NOX3: variants seen among roughly 807,000 people sequenced by gnomAD.
The protein encoded by NOX3 is NADPH oxidase catalytic subunit-like 3.
In NOX3, 74 loss-of-function variants were observed where a neutral mutation model predicts 76.7. The ratio of observed to expected loss-of-function variants is 0.96; its 90% CI spans 0.80 to 1.17. The LOEUF (loss-of-function observed/expected upper bound fraction) is 1.17. NOX3 is among the 50% of genes most tolerant of loss of function. NOX3 has a pLI of 0.00. For synonymous variants in NOX3, 263 were observed against 261.1 expected, an observed-to-expected ratio of 1.01 and a Z score of -0.07; for missense variants, 695 against 703.3, an observed-to-expected ratio of 0.99 and a Z score of 0.13.
At chr6:155,399,743 C>G (rs370799734) in intron 12 of NOX3, among the ~76,000 whole-genome samples, 1,462 of 141,980 alleles carry the variant, frequency 0.01, 25 homozygotes, top group African/African-American at 0.037. Context: ...TTTTTTTTTT[C>G]TTTTATGAGG....
chr6:155,422,615 C>G, intron 10 of NOX3, 79 bp downstream of exon 10: 1 of 1,377,270 alleles, frequency 7.3e-7, no homozygotes, highest in Non-Finnish European at 1.0e-6. Context: ...AAAATCCTCC[C>G]CAAGAATCGG....
chr6:155,420,959 A>T (rs544318608), intron 10 of NOX3, among the ~76,000 whole-genome samples: 1 of 152,280 alleles, frequency 6.6e-6, no homozygotes, highest in African/African-American at 2.4e-5. Flanking sequence ...TCCCTGTTGG[A>T]TATGGATTCT....
chr6:155,437,629 A>G (rs745506434), intron 6 of NOX3, among the ~76,000 whole-genome samples: 2 of 152,252 alleles, frequency 1.3e-5, no homozygotes, highest in African/African-American at 2.4e-5. Flanking sequence ...ATGCCCAGAC[A>G]TAGGCAGGGT....
intron 7 of NOX3, among the ~76,000 whole-genome samples, chr6:155,433,373 C>A (rs996344589): frequency 2.0e-5 from 3 of 152,128 alleles, no homozygotes; most frequent in Non-Finnish European, 2.9e-5. Flanking sequence ...AAGAGAGAAT[C>A]AAGACAAGGA....
intron 10 of NOX3, among the ~76,000 whole-genome samples, chr6:155,418,297 G>C (rs1380904212): frequency 6.6e-6 from 1 of 151,992 alleles, no homozygotes; most frequent in Non-Finnish European, 1.5e-5. Context: ...AGGAGGTGGA[G>C]GACTTTATTG....
rs568319693 is a variant in NOX3 at position 155,441,933 on chromosome 6, A to G, written c.486+1340T>C. On this transcript the variant is annotated intron_variant, in intron 5 of 13. Coordinates refer to ENST00000159060, the MANE Select transcript of NOX3 (RefSeq NM_015718.3). ...AGGGCAGCTGTAGTTCTGATTCGGA[A>G]GTGTGAAATTTTTGCTTCCAATAGC... is the stretch of plus-strand genomic sequence containing the variant. Among the ~76,000 whole-genome samples, 39 of 152,264 alleles carry G rather than the reference A, an allele frequency of 2.6e-4. No individual in the cohort carries two copies. In the East Asian group the frequency reaches 7.4e-3, roughly 29 times the overall value.
intron 4 of NOX3, among the ~76,000 whole-genome samples, chr6:155,446,593 T>G (rs185223564): frequency 4.6e-4 from 70 of 152,352 alleles, no homozygotes; most frequent in Admixed American, 4.1e-3. Flanking sequence ...CCCCATCTTT[T>G]GACCATCAAG....
In NOX3 at chr6:155,426,101, C is replaced by T. The variant is rs530963871; in HGVS notation, c.1145+2693G>A. ...AAAATCATCCAAGGAAGTCCAATAA[C>T]ATCCTGATTCTTTGTATGTTGAAGA... On this transcript the variant is annotated intron_variant, in intron 9 of 13. Transcript: ENST00000159060. 2.0e-5 allele frequency among the ~76,000 whole-genome samples: 3 copies of T among 152,326 alleles called. No individual in the cohort carries two copies. The East Asian group carries it at 5.8e-4, about 29-fold the overall frequency.
intron 7 of NOX3, among the ~76,000 whole-genome samples, chr6:155,431,396 GC>G (rs1562466757): frequency 8.2e-6 from 1 of 122,108 alleles, no homozygotes; most frequent in Non-Finnish European, 1.7e-5. Context: ...TACAGGGTCT[GC>G]CTGAATAAAC....
rs1229392679 is a variant in NOX3 at position 155,430,852 on chromosome 6, G to A, written c.882C>T (p.Val294=). The A allele has an allele frequency of 6.2e-7, 1 of 1,610,030 alleles. No homozygotes were observed. The highest frequency in any genetic ancestry group is 1.7e-5 in the Admixed American group (1 of 59,988). The change falls in exon 8 of 14, where the codon GTC becomes GTT. Residue 294 remains valine, a synonymous_variant. Coordinates refer to ENST00000159060, the MANE Select transcript of NOX3 (RefSeq NM_015718.3). ...AAAGCTACATGCATACCTTGGTAAT[G>A]ACAACTTCTTGTTGAAATCGCCAGA... ...IRFWRFQQEV[V]ITKVVSHPSG...
At chr6:155,426,936 C>A (rs1482939356) in intron 9 of NOX3, among the ~76,000 whole-genome samples, 1 of 137,152 alleles carries the variant, frequency 7.3e-6, no homozygotes, top group African/African-American at 2.8e-5. Context: ...TTTGCCTTGG[C>A]GATGCCAAGG....
intron 9 of NOX3, 91 bp downstream of exon 9, chr6:155,428,703 G>A: frequency 8.4e-7 from 1 of 1,187,742 alleles, no homozygotes; most frequent in South Asian, 2.6e-5. Context: ...ATTTAATAAA[G>A]ATATTGCTGA....
chr6:155,446,514 A>G (rs544926055), intron 4 of NOX3, among the ~76,000 whole-genome samples: 1 of 152,324 alleles, frequency 6.6e-6, no homozygotes, highest in Admixed American at 6.5e-5. Context: ...ACAGACCAGT[A>G]TTCAAAGAGT....
chr6:155,400,390 A>G (rs1779206857), intron 12 of NOX3, among the ~76,000 whole-genome samples: 1 of 152,224 alleles, frequency 6.6e-6, no homozygotes, highest in African/African-American at 2.4e-5. Flanking sequence ...TTTAAAAAAA[A>G]GCAAATTACT....
intron 4 of NOX3, among the ~76,000 whole-genome samples, chr6:155,444,102 G>A (rs1041583193): frequency 1.3e-5 from 2 of 152,142 alleles, no homozygotes; most frequent in Non-Finnish European, 2.9e-5. Context: ...TATTGTTTTT[G>A]TTCTCTTTCA....
intron 7 of NOX3, among the ~76,000 whole-genome samples, chr6:155,436,052 A>G (rs1776899352): frequency 6.6e-6 from 1 of 152,198 alleles, no homozygotes; most frequent in South Asian, 2.1e-4. Flanking sequence ...GGGTGCCAGT[A>G]ATTCTCAGAC....
chr6:155,424,715 A>C (rs1172980879), intron 9 of NOX3, among the ~76,000 whole-genome samples: 1 of 152,238 alleles, frequency 6.6e-6, no homozygotes, highest in African/African-American at 2.4e-5. Context: ...AAGGTCATTA[A>C]CCAGAAATGG....
intron 9 of NOX3, among the ~76,000 whole-genome samples, chr6:155,425,180 G>A (rs906952754): frequency 6.6e-6 from 1 of 152,188 alleles, no homozygotes; most frequent in Non-Finnish European, 1.5e-5. Flanking sequence ...TTTCTGAGAA[G>A]CACATTCCAG....
intron 12 of NOX3, among the ~76,000 whole-genome samples, chr6:155,399,679 C>G (rs960713231): frequency 6.6e-6 from 1 of 151,900 alleles, no homozygotes; most frequent in Non-Finnish European, 1.5e-5. Flanking sequence ...CTGTGAATCA[C>G]AGGGCAGAGA....
Sources: gnomAD v4.1 joint callset for allele counts (sites outside exome capture counted in the v4.1 genomes callset) on GRCh38, gnomAD v4.1.1 for gene constraint, MANE v1.5 for transcripts, NCBI Gene and HGNC (gene_info 2026-07-23, HGNC 2026-07-21) for gene names.